The following ACAD11 variants were observed in gnomAD, a reference collection of about 807,000 sequenced individuals.
ACAD11 encodes the protein acyl-CoA dehydrogenase family member 11.
A neutral mutation model predicts 102.2 loss-of-function variants in ACAD11; 83 were observed. The ratio of observed to expected loss-of-function variants is 0.81; its 90% CI spans 0.68 to 0.97. ACAD11 has a LOEUF of 0.97. Ranked by LOEUF, ACAD11 falls within the 50% of genes least tolerant of loss-of-function variation. ACAD11 has a pLI of 0.00. For missense variants in ACAD11, 901 were observed against 951.7 expected (o/e 0.95, Z 0.70); for synonymous variants, 324 against 319.8 (o/e 1.01, Z -0.14).
chr3:132,630,368 G>C, intron 7 of ACAD11, 69 bp downstream of exon 7: 1 of 1,449,716 alleles, frequency 6.9e-7, no homozygotes. Context: ...AAACCCGGAA[G>C]ACTGGAAAAC....
chr3:132,659,371 G>T (rs543183528), intron 1 of ACAD11: 2 of 547,326 alleles, frequency 3.7e-6, no homozygotes, highest in East Asian at 3.5e-5. Context: ...AGATTCCTTT[G>T]GATAGTAGAA....
intron 13 of ACAD11, chr3:132,601,004 C>T: frequency 1.9e-6 from 3 of 1,613,648 alleles, no homozygotes; most frequent in Non-Finnish European, 2.5e-6. Context: ...GATTCAAATG[C>T]TAGAGATCTG....
chr3:132,636,873 A>T (rs1046810136), intron 5 of ACAD11, among the ~76,000 whole-genome samples: 8 of 152,186 alleles, frequency 5.3e-5, no homozygotes, highest in African/African-American at 1.9e-4. Context: ...GACTGAAAGG[A>T]CAAAGATGAG....
chr3:132,559,483 A>C (rs1936981609), intron 19 of ACAD11, among the ~76,000 whole-genome samples: 1 of 152,110 alleles, frequency 6.6e-6, no homozygotes, highest in Non-Finnish European at 1.5e-5. Context: ...GGAGATGGAC[A>C]GATGGGGAAT....
rs554137465 is a variant in ACAD11 at position 132,627,352 on chromosome 3, C to G, written c.1071-535G>C. ...TAATGTGTCTGTGTGCCTAATTTTT[C>G]CTGTGAGACGAGAACCTGGATTTTA... On this transcript the variant is annotated intron_variant, in intron 8 of 19. Coordinates refer to ENST00000264990, the MANE Select transcript of ACAD11 (RefSeq NM_032169.5). Among the ~76,000 whole-genome samples the G allele has an allele frequency of 2.2e-4, 33 of 152,246 alleles. 1 individual carries two copies. The South Asian group carries it at 6.0e-3, about 28-fold the overall frequency.
intron 11 of ACAD11, among the ~76,000 whole-genome samples, chr3:132,608,190 T>C (rs905321158): frequency 1.3e-5 from 2 of 152,086 alleles, no homozygotes; most frequent in African/African-American, 2.4e-5. Context: ...GTAAAGACCA[T>C]CGACACTATA....
Position 132,639,494 on chromosome 3 carries a change from C to T in ACAD11, c.700G>A (p.Glu234Lys). ...RLDNIVFHPK[E>K]CRVIAVLDWE... The stretch of plus-strand genomic sequence containing the variant: ...ATTGTAAACATAGCTAACTGTACCT[C>T]TTTAGGGTGGAAAACTATGTTATCT... Residue 234 changes from glutamate (E) to lysine (K), a missense_variant and splice_region_variant, in exon 5 of 20, where the codon GAG becomes AAG. Transcript: ENST00000264990. 1 of 1,612,992 alleles carries T rather than the reference C, an allele frequency of 6.2e-7. No homozygotes were observed. Among genetic ancestry groups the T allele is most frequent in the East Asian group, 2.2e-5 (1 of 44,842 alleles).
intron 13 of ACAD11, chr3:132,600,862 G>C (rs1285064264): frequency 5.6e-6 from 9 of 1,613,816 alleles, no homozygotes; most frequent in Admixed American, 3.3e-5. Flanking sequence ...AACCATGCTG[G>C]ATCATCTGTT....
In ACAD11 at chr3:132,631,387, T is replaced by C. The variant is rs1353739280; in HGVS notation, c.795A>G (p.Pro265=). ...LAHFSLFYFW[P]RTVPMINQGS... is the part of the protein sequence containing the mutation. The stretch of plus-strand genomic sequence containing the variant: ...CTTGATTTATCATTGGAACTGTCCT[T>C]GGCCAAAAGTAGAACAGGGAAAAAT... The change falls in exon 6 of 20, where the codon CCA becomes CCG. Residue 265 remains proline (P), a synonymous_variant. Coordinates refer to ENST00000264990, the MANE Select transcript of ACAD11 (RefSeq NM_032169.5). 4 of 1,563,304 alleles carry C rather than the reference T, an allele frequency of 2.6e-6. No individual in the cohort carries two copies. Among genetic ancestry groups the C allele is most frequent in the South Asian group, 1.2e-5 (1 of 82,012 alleles).
At position 132,576,936 on chromosome 3, in the gene ACAD11, C is replaced by A. The variant is rs749190457; in HGVS notation, c.1846+8G>T. ...AATACTGAAGAATCATTTCCAAATTCAACTCACCTAGTATTAGATTTGTGG... is the reference window on the plus strand; with the variant it reads ...AATACTGAAGAATCATTTCCAAATTAAACTCACCTAGTATTAGATTTGTGG... On this transcript the variant is annotated splice_region_variant and intron_variant, in intron 16 of 19. Coordinates refer to ENST00000264990, the MANE Select transcript of ACAD11 (RefSeq NM_032169.5). 2 of 1,588,704 alleles carry A rather than the reference C, an allele frequency of 1.3e-6. No individual in the cohort carries two copies. Among genetic ancestry groups the A allele is most frequent in the South Asian group, 2.2e-5 (2 of 89,884 alleles).
At chr3:132,603,013 G>A (rs1938682162) in intron 13 of ACAD11, among the ~76,000 whole-genome samples, 1 of 152,098 alleles carries the variant, frequency 6.6e-6, no homozygotes, top group South Asian at 2.1e-4. Flanking sequence ...ATGTTGGCCA[G>A]GTTGGTCTTG....
At chr3:132,586,162 T>C (rs895733575) in intron 13 of ACAD11, among the ~76,000 whole-genome samples, 3 of 152,142 alleles carry the variant, frequency 2.0e-5, no homozygotes, top group African/African-American at 7.2e-5. Context: ...TACACAGCCA[T>C]AAAAAATGAT....
intron 9 of ACAD11, among the ~76,000 whole-genome samples, chr3:132,620,064 C>A (rs1181447376): frequency 1.3e-5 from 2 of 152,170 alleles, no homozygotes; most frequent in Non-Finnish European, 2.9e-5. Context: ...TCAAATGCCC[C>A]AAACATGGCA....
At chr3:132,605,254 A>G (rs1559953402) in intron 11 of ACAD11, 49 bp from the exon 12 acceptor site, 2 of 1,399,046 alleles carry the variant, frequency 1.4e-6, no homozygotes, top group Non-Finnish European at 2.0e-6. Flanking sequence ...ATTTATCAGT[A>G]TGAAATCCAC....
In ACAD11 at chr3:132,561,131, G is replaced by A. The variant is rs1264618239; in HGVS notation, c.2088C>T (p.Asp696=). The change falls in exon 18 of 20, where the codon GAC becomes GAT. Residue 696 remains aspartate, a synonymous_variant. Coordinates refer to ENST00000264990, the MANE Select transcript of ACAD11 (RefSeq NM_032169.5). ...TCTTAGCGCCAGCACTGCCCAGAGTGTCCATGCTGTGAGCAGCTTTCAGAG... is the reference window on the plus strand; with the variant it reads ...TCTTAGCGCCAGCACTGCCCAGAGTATCCATGCTGTGAGCAGCTTTCAGAG... ...LLTLKAAHSM[D]TLGSAGAKKE... is the part of the protein sequence containing the mutation. 6.2e-7 allele frequency: 1 copy of A among 1,613,436 alleles called. No individual in the cohort carries two copies. The highest frequency in any genetic ancestry group is 1.7e-5 in the Admixed American group (1 of 59,988).
rs562789336 is a variant in ACAD11 at position 132,575,046 on chromosome 3, C to A, written c.2001+726G>T. Among the ~76,000 whole-genome samples, 3 of 152,054 alleles carry A rather than the reference C, an allele frequency of 2.0e-5. No individual in the cohort carries two copies. The South Asian group carries it at 6.2e-4, about 32-fold the overall frequency. ...TATTTTAGTAGAGACGGGGTTTCAC[C>A]ATGTTGCCCAGGCTGGTCTTGAACT... On this transcript the variant is annotated intron_variant, in intron 17 of 19. Coordinates refer to ENST00000264990, the MANE Select transcript of ACAD11 (RefSeq NM_032169.5).
chr3:132,619,348 T>A, intron 10 of ACAD11, 120 bp downstream of exon 10: 1 of 583,468 alleles, frequency 1.7e-6, no homozygotes, highest in Non-Finnish European at 2.9e-6. Flanking sequence ...TTTCTTTTTT[T>A]AAAGGTTATT....
At chr3:132,646,159 G>C (rs978730104) in intron 1 of ACAD11, among the ~76,000 whole-genome samples, 1 of 152,112 alleles carries the variant, frequency 6.6e-6, no homozygotes, top group Admixed American at 6.5e-5. Flanking sequence ...TGTATTTTTA[G>C]TAGAGACGGG....
chr3:132,603,210 A>C lies in ACAD11; in HGVS notation c.1621+19T>G. ...AAAGGATCAGTGTGTTAGGTGAAAA[A>C]ATTAGGCTGAACACTCACCACTGCT... On this transcript the variant is annotated intron_variant, in intron 13 of 19. Transcript: ENST00000264990. The C allele has an allele frequency of 1.2e-6, 2 of 1,605,930 alleles. No individual in the cohort carries two copies. Among genetic ancestry groups the C allele is most frequent in the Non-Finnish European group, 1.7e-6 (2 of 1,172,674 alleles).
Sources: gnomAD v4.1 joint callset for allele counts (sites outside exome capture counted in the v4.1 genomes callset) on GRCh38, gnomAD v4.1.1 for gene constraint, MANE v1.5 for transcripts, NCBI Gene and HGNC (gene_info 2026-07-23, HGNC 2026-07-21) for gene names.